The following CACNA1B variants were observed in gnomAD, a reference collection of about 807,000 sequenced individuals.
The protein encoded by CACNA1B is voltage-dependent N-type calcium channel subunit alpha-1B.
CACNA1B carries 70 observed loss-of-function variants against 247.2 expected under a neutral mutation model. The observed-to-expected ratio is 0.28, with a 90% confidence interval of 0.23 to 0.35. The LOEUF is 0.35. Ranked by LOEUF, CACNA1B falls within the 10% of genes least tolerant of loss-of-function variation. CACNA1B has a pLI of 1.00. For missense variants in CACNA1B, 2,367 were observed against 3,197.4 expected, an observed-to-expected ratio of 0.74 and a Z score of 6.26; for synonymous variants, 1,231 against 1,294.4, an observed-to-expected ratio of 0.95 and a Z score of 1.05.
intron 15 of CACNA1B, among the ~76,000 whole-genome samples, chr9:137,998,466 C>G (rs186568629): frequency 6.6e-6 from 1 of 152,084 alleles, no homozygotes; most frequent in African/African-American, 2.4e-5. Flanking sequence ...GTAAAATTAG[C>G]TGGGTGTGCT....
In CACNA1B at chr9:138,058,802, TGGAG is replaced by T; in HGVS notation, c.4473+70_4473+73del. The T allele has an allele frequency of 3.5e-6, 5 of 1,415,820 alleles. No homozygotes were observed. Among genetic ancestry groups the T allele is most frequent in the Non-Finnish European group, 4.9e-6 (5 of 1,029,990 alleles). The allele number at this position is 1,415,820 out of a possible 1,614,324, so 87.7% of individuals were successfully genotyped here. A position where few individuals can be genotyped will look rare whatever the true frequency, so the allele number is the denominator to read the frequency against. ...ATTGGGATCTAACCCTGAGGCTGAG[TGGAG>T]AGTCAGCCTTCTTCCTCCCTGCATG... is the stretch of plus-strand genomic sequence containing the variant. On this transcript the variant is annotated intron_variant, in intron 29 of 46. Coordinates refer to ENST00000371372, the MANE Select transcript of CACNA1B (RefSeq NM_000718.4). The surrounding 1 kb of genome is among the most constrained non-coding windows in gnomAD (Gnocchi z 4.7).
chr9:138,075,416 T>C (rs1277847945), intron 34 of CACNA1B, among the ~76,000 whole-genome samples: 2 of 152,244 alleles, frequency 1.3e-5, no homozygotes, highest in African/African-American at 4.8e-5. Flanking sequence ...AAGCCCGTTG[T>C]ACTATTGCAT....
intron 36 of CACNA1B, among the ~76,000 whole-genome samples, chr9:138,088,913 C>T (rs903671740): frequency 1.5e-5 from 2 of 133,684 alleles, no homozygotes; most frequent in Admixed American, 8.3e-5. Context: ...GACCGGAGAT[C>T]GCGCCATTGC....
intron 15 of CACNA1B, among the ~76,000 whole-genome samples, chr9:137,993,914 A>G (rs1229584717): frequency 6.6e-6 from 1 of 152,214 alleles, no homozygotes; most frequent in African/African-American, 2.4e-5. Context: ...CTACAGACCA[A>G]TATCCCTGAT....
intron 10 of CACNA1B, among the ~76,000 whole-genome samples, chr9:137,963,785 G>A (rs1958045845): frequency 6.6e-6 from 1 of 152,204 alleles, no homozygotes; most frequent in Admixed American, 6.5e-5. Context: ...TTTCTTCATA[G>A]TGTCACTGGT....
At chr9:138,041,679 G>T (rs1199774071) in intron 20 of CACNA1B, among the ~76,000 whole-genome samples, 1 of 152,092 alleles carries the variant, frequency 6.6e-6, no homozygotes, top group African/African-American at 2.4e-5. Context: ...TGGCATCTTT[G>T]TCCTGTTTAT....
At chr9:137,895,431 T>C (rs1034140709) in intron 3 of CACNA1B, among the ~76,000 whole-genome samples, 4 of 152,248 alleles carry the variant, frequency 2.6e-5, no homozygotes, top group African/African-American at 7.2e-5. Context: ...AAAACCTGTA[T>C]GTTAGTTTAT....
chr9:137,995,180 C>G (rs11795326), intron 15 of CACNA1B, among the ~76,000 whole-genome samples: 212 of 150,312 alleles, frequency 1.4e-3, no homozygotes, highest in Non-Finnish European at 2.4e-3. Flanking sequence ...CCATTGCACT[C>G]CAGTCTGGGT....
intron 31 of CACNA1B, among the ~76,000 whole-genome samples, chr9:138,060,689 G>C (rs950723900): frequency 6.6e-6 from 1 of 152,230 alleles, no homozygotes; most frequent in Non-Finnish European, 1.5e-5. Flanking sequence ...CTGAAGGGAC[G>C]TCTGACACCA....
At chr9:138,119,876 A>G (rs911780711) in intron 44 of CACNA1B, among the ~76,000 whole-genome samples, 1 of 152,112 alleles carries the variant, frequency 6.6e-6, no homozygotes, top group Non-Finnish European at 1.5e-5. Flanking sequence ...GAGTGATCCC[A>G]TTGCAGCCAG....
rs922413547 is a variant in CACNA1B, at chr9:137,919,476, C to G, written c.966+2045C>G. On this transcript the variant is annotated intron_variant, in intron 6 of 46. Coordinates refer to ENST00000371372, the MANE Select transcript of CACNA1B (RefSeq NM_000718.4). The surrounding 1 kb of genome is among the most constrained non-coding windows in gnomAD (Gnocchi z 4.6). ...GCCTGGGGCTGGCGCCACACAAGGC[C>G]CCAGAGCAGGTAGCCAAGAACCGAC... 1.3e-5 allele frequency among the ~76,000 whole-genome samples: 2 copies of G among 152,196 alleles called. No individual in the cohort carries two copies. Among genetic ancestry groups the G allele is most frequent in the Non-Finnish European group, 2.9e-5 (2 of 68,036 alleles).
rs1445275766 is a variant in CACNA1B at position 138,054,300 on chromosome 9, G to A, written c.3968+294G>A. Among the ~76,000 whole-genome samples, 1 of 152,242 alleles carries A rather than the reference G, an allele frequency of 6.6e-6. No individual in the cohort carries two copies. The highest frequency in any genetic ancestry group is 6.5e-5 in the Admixed American group (1 of 15,288). ...GACACAGACATCCAGGGAGCTCAAGGTGCCCACTGGGCAAGGCTTTCTCTA... is the reference window on the plus strand; with the variant it reads ...GACACAGACATCCAGGGAGCTCAAGATGCCCACTGGGCAAGGCTTTCTCTA... On this transcript the variant is annotated intron_variant, in intron 26 of 46. Transcript: ENST00000371372. The surrounding 1 kb of genome is among the most constrained non-coding windows in gnomAD (Gnocchi z 4.6).
rs201932303 is a variant in CACNA1B, at chr9:138,122,783, G to C, written c.*784G>C. 9.2e-5 allele frequency: 14 copies of C among 152,384 alleles called. No homozygotes were observed. Among genetic ancestry groups the C allele is most frequent in the African/African-American group, 3.1e-4 (13 of 41,594 alleles). The allele number at this position is 152,384 out of a possible 1,614,324, so 9.4% of individuals were successfully genotyped here. On this transcript the variant is annotated 3_prime_UTR_variant, in exon 47 of 47. Transcript: ENST00000371372. Reference sequence around the variant, plus strand: ...GCAGCCCTGTCCGGTCCAGGTGGACGTAGACGGCCCCTGGCTCTGCTGCTC... The same window carrying C: ...GCAGCCCTGTCCGGTCCAGGTGGACCTAGACGGCCCCTGGCTCTGCTGCTC...
intron 11 of CACNA1B, among the ~76,000 whole-genome samples, chr9:137,975,066 C>T (rs746641879): frequency 1.3e-5 from 2 of 152,280 alleles, no homozygotes; most frequent in East Asian, 1.9e-4. Context: ...TCTGGAGCCA[C>T]GGCGTTCTTC....
intron 6 of CACNA1B, among the ~76,000 whole-genome samples, chr9:137,922,235 C>A (rs531548456): frequency 6.9e-6 from 1 of 145,084 alleles, no homozygotes; most frequent in Non-Finnish European, 1.5e-5. Flanking sequence ...CGCAAAGCAT[C>A]CTGGGAGCAG....
At chr9:138,078,287 G>A (rs755840963) in intron 36 of CACNA1B, 29 bp downstream of exon 36, 1 of 1,610,378 alleles carries the variant, frequency 6.2e-7, no homozygotes, top group South Asian at 1.1e-5. Flanking sequence ...GCCCCTCCCA[G>A]TGCCACGTCT....
At position 138,112,506 on chromosome 9, in the gene CACNA1B, G is replaced by T; in HGVS notation, c.5536+1G>T. The T allele has an allele frequency of 1.9e-6, 3 of 1,581,398 alleles. No individual in the cohort carries two copies. Among genetic ancestry groups the T allele is most frequent in the East Asian group, 2.2e-5 (1 of 44,724 alleles). On this transcript the variant is annotated splice_donor_variant, in intron 40 of 46. Coordinates refer to ENST00000371372, the MANE Select transcript of CACNA1B (RefSeq NM_000718.4). LOFTEE classifies it high-confidence loss of function. ...GACTTGCTGGTACCACCCCATAAGC[G>T]TAAGTGTGAGGGTGAGAAATGCCCC...
At position 138,112,381 on chromosome 9, in the gene CACNA1B, C is replaced by CTAT; in HGVS notation, c.5429-17_5429-16insTAT. Reference sequence around the variant, plus strand: ...CATCTCTGTCTTTTCCCCTTCCCCACCATCATCCTGGTGCAGCTGGGACAA... The same window carrying CTAT: ...CATCTCTGTCTTTTCCCCTTCCCCACTATCATCATCCTGGTGCAGCTGGGACAA... On this transcript the variant is annotated splice_polypyrimidine_tract_variant and intron_variant, in intron 39 of 46. Coordinates refer to ENST00000371372, the MANE Select transcript of CACNA1B (RefSeq NM_000718.4). 1 of 1,591,066 alleles carries CTAT rather than the reference C, an allele frequency of 6.3e-7. No homozygotes were observed. Among genetic ancestry groups the CTAT allele is most frequent in the African/African-American group, 1.3e-5 (1 of 74,624 alleles).
At chr9:138,101,042 G>A (rs1961234799) in intron 37 of CACNA1B, 2 of 472,070 alleles carry the variant, frequency 4.2e-6, no homozygotes, top group South Asian at 1.5e-5. Context: ...CAGGCTGGGC[G>A]GGCGGGAGGG....
Sources: gnomAD v4.1 joint callset for allele counts (sites outside exome capture counted in the v4.1 genomes callset) on GRCh38, gnomAD v4.1.1 for gene constraint, Gnocchi (gnomAD v3.1) non-coding constraint, MANE v1.5 for transcripts, NCBI Gene and HGNC (gene_info 2026-07-23, HGNC 2026-07-21) for gene names.